ACAT2: variants seen among roughly 807,000 people sequenced by gnomAD.
ACAT2 encodes acetyl-CoA acetyltransferase, cytosolic.
Under a neutral mutation model 37.1 loss-of-function variants are expected in ACAT2, and 26 were observed. The ratio of observed to expected loss-of-function variants is 0.70; its 90% CI spans 0.51 to 0.97. The LOEUF (loss-of-function observed/expected upper bound fraction) is 0.97. Ranked by LOEUF, ACAT2 falls within the 50% of genes least tolerant of loss-of-function variation. ACAT2 has a pLI of 0.00. For synonymous variants in ACAT2, 156 were observed against 163.6 expected (o/e 0.95, Z 0.35); for missense variants, 468 against 489.0 (o/e 0.96, Z 0.40).
intron 8 of ACAT2, 104 bp downstream of exon 8, chr6:159,778,384 A>G: frequency 5.5e-6 from 4 of 731,272 alleles, no homozygotes; most frequent in Non-Finnish European, 8.5e-6. Flanking sequence ...AGTTAAAGAA[A>G]TACTAGTTAC....
chr6:159,778,208 A>T lies in ACAT2; in HGVS notation c.951A>T (p.Ile317=), dbSNP rs374652666. The stretch of plus-strand genomic sequence containing the variant: ...GTTGGTCACTGGAAGATGTTGACAT[A>T]TTTGAAATCAATGAAGCCTTTGCAG... ...KAGWSLEDVD[I]FEINEAFAAV... is the part of the protein sequence containing the mutation. Residue 317 remains isoleucine (I), a synonymous_variant, in exon 8 of 9, where the codon ATA becomes ATT. Coordinates refer to ENST00000367048, the MANE Select transcript of ACAT2 (RefSeq NM_005891.3). 33 of 1,612,918 alleles carry T rather than the reference A, an allele frequency of 2.0e-5. No individual in the cohort carries two copies. Among genetic ancestry groups the T allele is most frequent in the Non-Finnish European group, 2.6e-5 (31 of 1,179,820 alleles).
At chr6:159,776,300 G>GAATA (rs1562479540) in intron 6 of ACAT2, 28 bp downstream of exon 6, 1 of 1,610,960 alleles carries the variant, frequency 6.2e-7, no homozygotes, top group Admixed American at 1.7e-5. Context: ...ACATCTGGGG[G>GAATA]AATACTATGT....
At position 159,778,858 on chromosome 6, in the gene ACAT2, TC is replaced by T; in HGVS notation, c.*30del. On this transcript the variant is annotated 3_prime_UTR_variant, in exon 9 of 9. Coordinates refer to ENST00000367048, the MANE Select transcript of ACAT2 (RefSeq NM_005891.3). ...GCTTAAACTTTGAACAACCTCAATT[TC>T]TTTTTAAACTAATAAAGTACTAGGT... 1 of 1,613,692 alleles carries T rather than the reference TC, an allele frequency of 6.2e-7. No homozygotes were observed. The highest frequency in any genetic ancestry group is 1.1e-5 in the South Asian group (1 of 91,052).
chr6:159,768,533 G>T lies in ACAT2; in HGVS notation c.395G>T (p.Arg132Ile), dbSNP rs757998861. 6.2e-7 allele frequency: 1 copy of T among 1,613,660 alleles called. No homozygotes were observed. Among genetic ancestry groups the T allele is most frequent in the Non-Finnish European group, 8.5e-7 (1 of 1,179,658 alleles). The change falls in exon 4 of 9, where the codon AGA (arginine) becomes ATA (isoleucine). Residue 132 changes from arginine to isoleucine, a missense_variant. Coordinates refer to ENST00000367048, the MANE Select transcript of ACAT2 (RefSeq NM_005891.3). Reference sequence around the variant, plus strand: ...TAGGCTCCTCACTTGGCTTACTTGAGAACAGGAGTAAAGATAGGTGAGATG... The same window carrying T: ...TAGGCTCCTCACTTGGCTTACTTGATAACAGGAGTAAAGATAGGTGAGATG... ...MSKAPHLAYL[R>I]TGVKIGEMPL... is the part of the protein sequence containing the mutation.
chr6:159,778,804 T>TAGCA lies in ACAT2; in HGVS notation c.1171_1174dup (p.Met392SerfsTer26). On this transcript the variant is annotated frameshift_variant, in exon 9 of 9. Transcript: ENST00000367048. LOFTEE classifies it high-confidence loss of function. ...CTGTGCATTGGGGGTGGGATGGGAATAGCAATGTGTGTTCAGAGAGAATGA... is the reference window on the plus strand; with the variant it reads ...CTGTGCATTGGGGGTGGGATGGGAATAGCAAGCAATGTGTGTTCAGAGAGAATGA... 1 of 1,614,192 alleles carries TAGCA rather than the reference T, an allele frequency of 6.2e-7. No individual in the cohort carries two copies. Among genetic ancestry groups the TAGCA allele is most frequent in the East Asian group, 2.2e-5 (1 of 44,874 alleles).
intron 2 of ACAT2, among the ~76,000 whole-genome samples, chr6:159,763,455 G>T (rs566654604): frequency 6.6e-6 from 1 of 152,014 alleles, no homozygotes; most frequent in Admixed American, 6.6e-5. Flanking sequence ...GAGGTGGGAG[G>T]ATCACTTGAG....
chr6:159,766,891 C>A, intron 2 of ACAT2, 114 bp from the exon 3 acceptor site: 1 of 1,308,530 alleles, frequency 7.6e-7, no homozygotes, highest in Non-Finnish European at 1.1e-6. Context: ...CTTACTTGAC[C>A]TGTAGGCTTT....
rs1780269517 is a variant in ACAT2 at position 159,767,203 on chromosome 6, G to A, written c.372+17G>A. On this transcript the variant is annotated intron_variant, in intron 3 of 8. Transcript: ENST00000367048. ...ATGAGCAAGGTAAGGCCTCTCTGAT[G>A]AGGTGGCTTTCACTGACCTCACACT... 1 of 1,613,168 alleles carries A rather than the reference G, an allele frequency of 6.2e-7. No homozygotes were observed. Among genetic ancestry groups the A allele is most frequent in the Non-Finnish European group, 8.5e-7 (1 of 1,179,358 alleles).
rs1420130587 is a variant in ACAT2, at chr6:159,775,133, A to G, written c.491-37A>G. On this transcript the variant is annotated intron_variant, in intron 4 of 8. Coordinates refer to ENST00000367048, the MANE Select transcript of ACAT2 (RefSeq NM_005891.3). Reference sequence around the variant, plus strand: ...TTGAGCTATCAAATGCCAGTTCATGAAAATGTTAGTTTTTTGCTGTTTTTC... The same window carrying G: ...TTGAGCTATCAAATGCCAGTTCATGGAAATGTTAGTTTTTTGCTGTTTTTC... The G allele has an allele frequency of 1.9e-6, 3 of 1,610,008 alleles. No homozygotes were observed. The Admixed American group carries it at 5.0e-5, about 27-fold the overall frequency.
At chr6:159,768,718 G>A (rs1780293344) in intron 4 of ACAT2, 90 bp downstream of exon 4, 1 of 793,670 alleles carries the variant, frequency 1.3e-6, no homozygotes. Context: ...TCGTCCTTAT[G>A]GCCAGAGACT....
rs1780396122 is a variant in ACAT2 at position 159,775,318 on chromosome 6, G to GTA, written c.634+9_634+10dup. 11 of 1,613,814 alleles carry GTA rather than the reference G, an allele frequency of 6.8e-6. No individual in the cohort carries two copies. The South Asian group carries it at 1.1e-4, about 16-fold the overall frequency. ...TTTTGGTGTCAACTAGAAAAGGTGA[G>GTA]TATATCATAGTGGTTTAAACATCAA... On this transcript the variant is annotated splice_donor_region_variant and intron_variant, in intron 5 of 8. Transcript: ENST00000367048.
chr6:159,771,969 T>C (rs1262489417), intron 4 of ACAT2, among the ~76,000 whole-genome samples: 1 of 152,190 alleles, frequency 6.6e-6, no homozygotes, highest in Non-Finnish European at 1.5e-5. Context: ...CTCACGCCTG[T>C]AATCCTAGCA....
intron 8 of ACAT2, 150 bp from the exon 9 acceptor site, chr6:159,778,509 A>C: frequency 1.1e-6 from 1 of 888,520 alleles, no homozygotes; most frequent in Non-Finnish European, 1.7e-6. Context: ...GAATTTTCAC[A>C]AAGGTGTAAA....
chr6:159,767,257 G>A, intron 3 of ACAT2, 71 bp downstream of exon 3: 1 of 1,494,576 alleles, frequency 6.7e-7, no homozygotes, highest in Non-Finnish European at 9.3e-7. Flanking sequence ...CCAGAACAGA[G>A]TAAACAGATG....
intron 2 of ACAT2, among the ~76,000 whole-genome samples, chr6:159,763,665 A>G (rs1400198016): frequency 1.2e-5 from 1 of 81,826 alleles, no homozygotes; most frequent in African/African-American, 5.0e-5. Context: ...TTTGAGACGG[A>G]GTCTCTCTCT....
chr6:159,772,580 G>T (rs4276525), intron 4 of ACAT2, among the ~76,000 whole-genome samples: 4 of 152,066 alleles, frequency 2.6e-5, no homozygotes, highest in Non-Finnish European at 4.4e-5. Context: ...GAGATAAATC[G>T]TGGATTTAAA....
intron 4 of ACAT2, among the ~76,000 whole-genome samples, chr6:159,774,842 TC>T (rs1780388768): frequency 6.6e-6 from 1 of 152,214 alleles, no homozygotes. Context: ...GCATTGTATC[TC>T]CAACTTTCTC....
intron 4 of ACAT2, among the ~76,000 whole-genome samples, 154 bp downstream of exon 4, chr6:159,768,782 CTCT>C (rs1169873039): frequency 1.3e-5 from 2 of 152,208 alleles, no homozygotes; most frequent in African/African-American, 2.4e-5. Context: ...AGTAAGTATT[CTCT>C]TCTTTGTGAA....
chr6:159,777,017 C>G (rs1003278099), intron 6 of ACAT2, among the ~76,000 whole-genome samples: 1 of 152,170 alleles, frequency 6.6e-6, no homozygotes, highest in African/African-American at 2.4e-5. Context: ...AAACTCCTGA[C>G]CTCAGGTGAT....
Sources: gnomAD v4.1 joint callset for allele counts (sites outside exome capture counted in the v4.1 genomes callset) on GRCh38, gnomAD v4.1.1 for gene constraint, MANE v1.5 for transcripts, NCBI Gene and HGNC (gene_info 2026-07-23, HGNC 2026-07-21) for gene names.